RCAN2: variants seen among roughly 807,000 people sequenced by gnomAD.
RCAN2 encodes regulator of calcineurin 2, also known as calcipressin-2.
In RCAN2, 9 loss-of-function variants were observed where a neutral mutation model predicts 23.6. The ratio of observed to expected loss-of-function variants is 0.38; its 90% CI spans 0.23 to 0.67. The LOEUF is 0.67. Among genes scored for constraint, RCAN2 ranks in the 30% least tolerant of loss-of-function variants. RCAN2 has a pLI of 0.51. For missense variants in RCAN2, 273 were observed against 302.3 expected, an observed-to-expected ratio of 0.90 and a Z score of 0.72; for synonymous variants, 109 against 115.7, an observed-to-expected ratio of 0.94 and a Z score of 0.37.
At chr6:46,462,021 T>C (rs1053733719) in intron 1 of RCAN2, among the ~76,000 whole-genome samples, 1 of 152,230 alleles carries the variant, frequency 6.6e-6, no homozygotes, top group African/African-American at 2.4e-5. Context: ...ATTGTTAGGC[T>C]TATCAAGAGC....
chr6:46,306,702 C>T (rs1211764537), intron 2 of RCAN2, among the ~76,000 whole-genome samples: 1 of 152,128 alleles, frequency 6.6e-6, no homozygotes, highest in Non-Finnish European at 1.5e-5. Flanking sequence ...CACACTGCTT[C>T]ATTCACTATA....
At chr6:46,321,671 C>A (rs571926197) in intron 2 of RCAN2, among the ~76,000 whole-genome samples, 3 of 152,202 alleles carry the variant, frequency 2.0e-5, no homozygotes, top group African/African-American at 7.2e-5. Context: ...GGTTTGGATG[C>A]CCCCTGGCAG....
At chr6:46,247,583 A>G (rs1355497413) in intron 3 of RCAN2, among the ~76,000 whole-genome samples, 1 of 152,196 alleles carries the variant, frequency 6.6e-6, no homozygotes, top group Non-Finnish European at 1.5e-5. Context: ...GATATGTCCT[A>G]TAAGTAGAAT....
intron 1 of RCAN2, among the ~76,000 whole-genome samples, chr6:46,466,339 TGA>T (rs1318351753): frequency 2.6e-5 from 4 of 151,760 alleles, no homozygotes; most frequent in Non-Finnish European, 5.9e-5. Flanking sequence ...AAGCAGGGAG[TGA>T]GAGATACTGC....
At chr6:46,432,482 T>A (rs528361555) in intron 2 of RCAN2, among the ~76,000 whole-genome samples, 3 of 152,102 alleles carry the variant, frequency 2.0e-5, no homozygotes, top group Admixed American at 1.3e-4. Context: ...CAAAGCACTG[T>A]GATTACAGGT....
chr6:46,369,292 C>T (rs893498529), intron 2 of RCAN2, among the ~76,000 whole-genome samples: 6 of 151,872 alleles, frequency 4.0e-5, no homozygotes, highest in Admixed American at 6.6e-5. Context: ...GCTGTTTTAC[C>T]GTTAACTTTT....
At chr6:46,233,626 A>G (rs911101670) in intron 4 of RCAN2, among the ~76,000 whole-genome samples, 3 of 152,224 alleles carry the variant, frequency 2.0e-5, no homozygotes, top group African/African-American at 7.2e-5. Context: ...TGTTAGCAAG[A>G]AGCTGGCCAT....
intron 2 of RCAN2, among the ~76,000 whole-genome samples, chr6:46,336,229 T>C (rs2150369812): frequency 6.6e-6 from 1 of 152,324 alleles, no homozygotes; most frequent in Middle Eastern, 3.4e-3. Flanking sequence ...CTGAATTTCT[T>C]GGTTGAAATC....
At chr6:46,314,919 G>A (rs980683679) in intron 2 of RCAN2, among the ~76,000 whole-genome samples, 1 of 152,116 alleles carries the variant, frequency 6.6e-6, no homozygotes, top group African/African-American at 2.4e-5. Flanking sequence ...AAGTTAGCTG[G>A]GCATGGTGGT....
At chr6:46,402,342 G>C (rs1021926259) in intron 2 of RCAN2, among the ~76,000 whole-genome samples, 3 of 152,088 alleles carry the variant, frequency 2.0e-5, no homozygotes, top group Non-Finnish European at 2.9e-5. Flanking sequence ...CGAAGGGAAG[G>C]CCTCTGGAGC....
At chr6:46,465,706 G>A (rs1442110151) in intron 1 of RCAN2, among the ~76,000 whole-genome samples, 1 of 152,192 alleles carries the variant, frequency 6.6e-6, no homozygotes, top group African/African-American at 2.4e-5. Context: ...GTCAAACCCA[G>A]CTGGAAACCA....
At chr6:46,373,769 T>G (rs1765389922) in intron 2 of RCAN2, among the ~76,000 whole-genome samples, 1 of 152,212 alleles carries the variant, frequency 6.6e-6, no homozygotes, top group Non-Finnish European at 1.5e-5. Context: ...CTGAGACTTT[T>G]GACGTATGAG....
At chr6:46,370,476 T>C (rs1274159024) in intron 2 of RCAN2, among the ~76,000 whole-genome samples, 2 of 152,150 alleles carry the variant, frequency 1.3e-5, no homozygotes, top group African/African-American at 4.8e-5. Context: ...ATTCAGCAAA[T>C]GGGAGTCACC....
chr6:46,368,367 A>G (rs978070023), intron 2 of RCAN2, among the ~76,000 whole-genome samples: 1 of 152,196 alleles, frequency 6.6e-6, no homozygotes, highest in African/African-American at 2.4e-5. Context: ...TGAGCTTTCA[A>G]GCTCCATACG....
chr6:46,409,604 A>C (rs1052506044), intron 2 of RCAN2, among the ~76,000 whole-genome samples: 2 of 152,214 alleles, frequency 1.3e-5, no homozygotes, highest in African/African-American at 4.8e-5. Flanking sequence ...ACAGGCTCTT[A>C]AATGCACCAC....
intron 1 of RCAN2, among the ~76,000 whole-genome samples, chr6:46,477,059 G>A (rs1294163502): frequency 1.3e-5 from 2 of 152,098 alleles, no homozygotes; most frequent in Non-Finnish European, 2.9e-5. Context: ...GGGCCAGGAG[G>A]GTGGCACATC....
chr6:46,296,890 C>T (rs1333997074), intron 2 of RCAN2, among the ~76,000 whole-genome samples: 2 of 152,122 alleles, frequency 1.3e-5, no homozygotes, highest in Non-Finnish European at 2.9e-5. Flanking sequence ...GGAGTAGCCA[C>T]AATAGGTAGC....
chr6:46,411,404 G>C (rs1296273751), intron 2 of RCAN2, among the ~76,000 whole-genome samples: 1 of 152,168 alleles, frequency 6.6e-6, no homozygotes, highest in Non-Finnish European at 1.5e-5. Flanking sequence ...AGAGATGGGT[G>C]TTTATGATCA....
chr6:46,239,461 C>A (rs936509387), intron 4 of RCAN2, among the ~76,000 whole-genome samples: 1 of 152,186 alleles, frequency 6.6e-6, no homozygotes, highest in African/African-American at 2.4e-5. Flanking sequence ...ACCAGCGTAA[C>A]CGCCTTACTA....
Sources: gnomAD v4.1 joint callset for allele counts (sites outside exome capture counted in the v4.1 genomes callset) on GRCh38, gnomAD v4.1.1 for gene constraint, MANE v1.5 for transcripts, NCBI Gene and HGNC (gene_info 2026-07-23, HGNC 2026-07-21) for gene names.